The following MYO6 variants were observed in gnomAD, a reference collection of about 807,000 sequenced individuals.
MYO6 encodes unconventional myosin-VI.
In MYO6, 74 loss-of-function variants were observed where a neutral mutation model predicts 178.7. That is an observed-to-expected ratio of 0.41 (90% CI 0.34 to 0.50). The LOEUF is 0.50. MYO6 is among the 20% of genes least tolerant of loss of function. The pLI is 0.09. For missense variants in MYO6, 1,330 were observed against 1,547.4 expected, an observed-to-expected ratio of 0.86 and a Z score of 2.36; for synonymous variants, 477 against 504.6, an observed-to-expected ratio of 0.95 and a Z score of 0.73.
rs1252912172 is a variant in MYO6, at chr6:75,805,021, A to ATATATATATT, written c.-47-12479_-47-12478insATATATATTT. Among the ~76,000 whole-genome samples, 234 of 77,292 alleles carry ATATATATATT rather than the reference A, an allele frequency of 3.0e-3. 1 individual carries two copies. Among genetic ancestry groups the ATATATATATT allele is most frequent in the African/African-American group, 5.2e-3 (51 of 9,850 alleles). The allele number at this position is 77,292 out of a possible 152,430, so 50.7% of individuals were successfully genotyped here. On this transcript the variant is annotated intron_variant, in intron 1 of 34. Coordinates refer to ENST00000369977, the MANE Select transcript of MYO6 (RefSeq NM_004999.4). ...CACACACATATATATATATATATATATTTTTTTTTTTTTTTTTTTTGAGAC... is the reference window on the plus strand; with the variant it reads ...CACACACATATATATATATATATATATATATATATTTTTTTTTTTTTTTTTTTTTTGAGAC...
intron 29 of MYO6, 134 bp downstream of exon 29, chr6:75,895,394 G>A: frequency 1.4e-6 from 1 of 734,504 alleles, no homozygotes; most frequent in Non-Finnish European, 2.3e-6. Flanking sequence ...TATTTTTCTT[G>A]TCTAGGAAAG....
chr6:75,853,710 G>T (rs1287028378), intron 11 of MYO6, among the ~76,000 whole-genome samples: 2 of 152,044 alleles, frequency 1.3e-5, no homozygotes, highest in Non-Finnish European at 2.9e-5. Context: ...TCATAAAATT[G>T]TCATGATTTT....
At chr6:75,863,980 G>A (rs1182974510) in intron 16 of MYO6, among the ~76,000 whole-genome samples, 2 of 152,076 alleles carry the variant, frequency 1.3e-5, no homozygotes, top group Non-Finnish European at 2.9e-5. Flanking sequence ...GAAAGAGCCT[G>A]GCTAGCACAG....
intron 30 of MYO6, 54 bp from the exon 31 acceptor site, chr6:75,907,551 A>G: frequency 7.3e-7 from 1 of 1,377,230 alleles, no homozygotes; most frequent in Non-Finnish European, 1.0e-6. Flanking sequence ...CTCTTTAGTC[A>G]ATGTTTTCTT....
At position 75,872,128 on chromosome 6, in the gene MYO6, C is replaced by CAAAAAT. The variant is rs567217878; in HGVS notation, c.1984-1057_1984-1052dup. ...TGGTTGACAGAATGAGACTCTCTCT[C>CAAAAAT]AAAAATAAAAATAAAAATAAAAATA... On this transcript the variant is annotated intron_variant, in intron 19 of 34. Transcript: ENST00000369977. 4.7e-3 allele frequency among the ~76,000 whole-genome samples: 705 copies of CAAAAAT among 151,448 alleles called. 4 individuals carry two copies. The highest frequency in any genetic ancestry group is 6.8e-3 in the Non-Finnish European group (459 of 67,896).
intron 13 of MYO6, among the ~76,000 whole-genome samples, chr6:75,857,552 T>A (rs1775832848): frequency 6.6e-6 from 1 of 152,136 alleles, no homozygotes; most frequent in Admixed American, 6.5e-5. Context: ...TAAAGGTAAA[T>A]CCTTGTGTGC....
chr6:75,820,266 T>G (rs1222434833), intron 2 of MYO6, among the ~76,000 whole-genome samples: 1 of 152,212 alleles, frequency 6.6e-6, no homozygotes. Context: ...CCTTCTCTTC[T>G]GCAAGTATTA....
chr6:75,834,194 T>C (rs976044250), intron 6 of MYO6, among the ~76,000 whole-genome samples: 4 of 148,492 alleles, frequency 2.7e-5, no homozygotes, highest in Non-Finnish European at 4.5e-5. Flanking sequence ...ACTCTCTGCA[T>C]TGTGTTTTTT....
chr6:75,876,901 G>T (rs1260654960), intron 20 of MYO6, among the ~76,000 whole-genome samples: 1 of 152,094 alleles, frequency 6.6e-6, no homozygotes, highest in Non-Finnish European at 1.5e-5. Flanking sequence ...AGATATTTAA[G>T]ATTTGAATTG....
At chr6:75,878,293 T>C (rs994203964) in intron 20 of MYO6, among the ~76,000 whole-genome samples, 1 of 152,182 alleles carries the variant, frequency 6.6e-6, no homozygotes, top group Non-Finnish European at 1.5e-5. Flanking sequence ...ACATAATCAA[T>C]TGAGATTTTA....
At chr6:75,861,185 C>T in intron 15 of MYO6, 90 bp downstream of exon 15, 2 of 1,027,564 alleles carry the variant, frequency 1.9e-6, no homozygotes, top group East Asian at 2.4e-5. Flanking sequence ...ATTGACATTA[C>T]TTGTTATATG....
chr6:75,885,956 A>G (rs751642871), intron 23 of MYO6, 48 bp from the exon 24 acceptor site: 2 of 1,167,008 alleles, frequency 1.7e-6, no homozygotes, highest in East Asian at 2.5e-5. Flanking sequence ...TATATGTTAG[A>G]TTTAAACTGA....
Position 75,904,422 on chromosome 6 carries a change from C to T in MYO6, c.3177-3183C>T, listed in dbSNP as rs921545877. On this transcript the variant is annotated intron_variant, in intron 30 of 34. Transcript: ENST00000369977. ...TCCCATATTTCTTGGAGTCTTTGTT[C>T]GTTTCTTTTTATTCTTTTTTCTCTA... is the stretch of plus-strand genomic sequence containing the variant. Among the ~76,000 whole-genome samples, 307 of 130,814 alleles carry T rather than the reference C, an allele frequency of 2.3e-3. 2 individuals are homozygous for T. The highest frequency in any genetic ancestry group is 8.0e-3 in the African/African-American group (291 of 36,492). The allele number at this position is 130,814 out of a possible 152,430, so 85.8% of individuals were successfully genotyped here.
intron 16 of MYO6, among the ~76,000 whole-genome samples, chr6:75,866,275 C>CTGTCTCTGTGTGTG (rs1554212778): frequency 8.4e-6 from 1 of 119,138 alleles, no homozygotes; most frequent in African/African-American, 2.8e-5. Flanking sequence ...GTCTCTGTCT[C>CTGTCTCTGTGTGTG]TGTGTGTGTG....
At chr6:75,908,415 T>C (rs1780507655) in intron 31 of MYO6, 81 bp from the exon 32 acceptor site, 7 of 1,380,542 alleles carry the variant, frequency 5.1e-6, no homozygotes, top group African/African-American at 1.4e-5. Flanking sequence ...AATCTCCTTA[T>C]GCGACAGAAT....
chr6:75,797,076 GTATT>G (rs911878575), intron 1 of MYO6, among the ~76,000 whole-genome samples: 5 of 152,066 alleles, frequency 3.3e-5, no homozygotes, highest in African/African-American at 9.6e-5. Flanking sequence ...TTCTGTGTGT[GTATT>G]TATTTATTTA....
chr6:75,798,522 T>C (rs927813009), intron 1 of MYO6, among the ~76,000 whole-genome samples: 15 of 152,222 alleles, frequency 9.9e-5, no homozygotes, highest in Admixed American at 3.3e-4. Context: ...GCAAAAATCA[T>C]TGGATCATCT....
At chr6:75,774,525 T>A (rs1361842307) in intron 1 of MYO6, among the ~76,000 whole-genome samples, 1 of 152,202 alleles carries the variant, frequency 6.6e-6, no homozygotes, top group African/African-American at 2.4e-5. Context: ...TAATGTTTTA[T>A]GTGACCATTT....
At chr6:75,786,297 G>A (rs143511512) in intron 1 of MYO6, among the ~76,000 whole-genome samples, 49 of 152,192 alleles carry the variant, frequency 3.2e-4, no homozygotes, top group African/African-American at 1.2e-3. Context: ...TTACCACACT[G>A]TTTTATTGTG....
Sources: gnomAD v4.1 joint callset for allele counts (sites outside exome capture counted in the v4.1 genomes callset) on GRCh38, gnomAD v4.1.1 for gene constraint, MANE v1.5 for transcripts, NCBI Gene and HGNC (gene_info 2026-07-23, HGNC 2026-07-21) for gene names.